Variants in SMOC2 observed in about 807,000 individuals in gnomAD.
The protein encoded by SMOC2 is SPARC related modular calcium binding 2.
A neutral mutation model predicts 61.4 loss-of-function variants in SMOC2; 39 were observed. That is an observed-to-expected ratio of 0.64 (90% CI 0.49 to 0.83). SMOC2 has a LOEUF of 0.83. Among genes scored for constraint, SMOC2 ranks in the 40% least tolerant of loss-of-function variants. The probability of loss-of-function intolerance (pLI) is 0.00; values close to 1 mark genes in which losing one functional copy is unlikely to be tolerated. For missense variants in SMOC2, 556 were observed against 592.9 expected, an observed-to-expected ratio of 0.94 and a Z score of 0.65; for synonymous variants, 247 against 239.9, an observed-to-expected ratio of 1.03 and a Z score of -0.27.
At position 168,650,733 on chromosome 6, in the gene SMOC2, G is replaced by A; in HGVS notation, c.960G>A (p.Leu320=). The A allele has an allele frequency of 6.2e-7, 1 of 1,613,682 alleles. No individual in the cohort carries two copies. Among genetic ancestry groups the A allele is most frequent in the Non-Finnish European group, 8.5e-7 (1 of 1,180,018 alleles). ...TTCTGACCAGCGTTCTGGACGCGCTGTCCACGGACATGGTCCACGCCGCCT... is the reference window on the plus strand; with the variant it reads ...TTCTGACCAGCGTTCTGGACGCGCTATCCACGGACATGGTCCACGCCGCCT... ...HEFLTSVLDA[L]STDMVHAASD... The change falls in exon 10 of 13, where the codon CTG becomes CTA. Residue 320 remains leucine, a synonymous_variant. Coordinates refer to ENST00000356284, the MANE Select transcript of SMOC2 (RefSeq NM_001166412.2).
intron 1 of SMOC2, among the ~76,000 whole-genome samples, chr6:168,476,612 G>A (rs1360684820): frequency 6.6e-6 from 1 of 151,806 alleles, no homozygotes; most frequent in African/African-American, 2.4e-5. Context: ...TTTTAAATGA[G>A]CTGGTACTTT....
intron 4 of SMOC2, among the ~76,000 whole-genome samples, chr6:168,534,963 T>A: frequency 6.6e-6 from 1 of 151,992 alleles, no homozygotes; most frequent in East Asian, 1.9e-4. Flanking sequence ...GAGATTTTAT[T>A]TTTATTTATT....
chr6:168,595,191 TCA>T (rs1308391828), intron 7 of SMOC2, among the ~76,000 whole-genome samples: 44 of 120,138 alleles, frequency 3.7e-4, no homozygotes, highest in South Asian at 8.9e-4. Flanking sequence ...TCCTGAGGCC[TCA>T]CGAGGGGCAT....
At chr6:168,538,472 G>C (rs1294897817) in intron 4 of SMOC2, among the ~76,000 whole-genome samples, 1 of 104,594 alleles carries the variant, frequency 9.6e-6, no homozygotes, top group African/African-American at 3.9e-5. Context: ...GAATGTGGGG[G>C]AGTGCGGTGA....
chr6:168,599,736 ACACT>A (rs1044278768), intron 8 of SMOC2, among the ~76,000 whole-genome samples: 10 of 138,170 alleles, frequency 7.2e-5, no homozygotes, highest in African/African-American at 2.8e-4. Context: ...ATACTCTCAC[ACACT>A]CATACCCACA....
intron 9 of SMOC2, among the ~76,000 whole-genome samples, chr6:168,647,956 C>A (rs1348951943): frequency 6.6e-6 from 1 of 151,536 alleles, no homozygotes; most frequent in Non-Finnish European, 1.5e-5. Flanking sequence ...ACTAAAGACT[C>A]CTGCAGCTTT....
intron 1 of SMOC2, among the ~76,000 whole-genome samples, chr6:168,442,160 C>G (rs1379049091): frequency 6.6e-6 from 1 of 152,266 alleles, no homozygotes; most frequent in African/African-American, 2.4e-5. Flanking sequence ...TTCTTCCCTT[C>G]TCAGGACAGA....
chr6:168,556,447 T>G (rs1409511255), intron 7 of SMOC2, among the ~76,000 whole-genome samples: 1 of 152,146 alleles, frequency 6.6e-6, no homozygotes, highest in Non-Finnish European at 1.5e-5. Context: ...CCTCGTGGCC[T>G]CGCAGACTGT....
chr6:168,628,015 C>T (rs572246661), intron 9 of SMOC2, among the ~76,000 whole-genome samples: 4 of 152,230 alleles, frequency 2.6e-5, no homozygotes, highest in African/African-American at 9.6e-5. Flanking sequence ...CCTGGACTAA[C>T]GCCACTCTTG....
chr6:168,534,515 G>C (rs899895484), intron 4 of SMOC2, among the ~76,000 whole-genome samples: 23 of 152,184 alleles, frequency 1.5e-4, no homozygotes, highest in African/African-American at 4.8e-4. Flanking sequence ...AGGCCCTTGG[G>C]GCTGAAGCTC....
chr6:168,600,263 T>C (rs937749618), intron 8 of SMOC2, among the ~76,000 whole-genome samples: 5 of 151,890 alleles, frequency 3.3e-5, no homozygotes, highest in Non-Finnish European at 5.9e-5. Context: ...AAAAATTAGC[T>C]GGGCGTGGTG....
chr6:168,608,552 C>T (rs1227701981), intron 9 of SMOC2, among the ~76,000 whole-genome samples: 2 of 152,206 alleles, frequency 1.3e-5, no homozygotes, highest in African/African-American at 4.8e-5. Flanking sequence ...CTCCTGAACC[C>T]CACAGCCCAA....
At chr6:168,598,785 C>G (rs372097960) in intron 7 of SMOC2, 33 bp from the exon 8 acceptor site, 5 of 1,611,066 alleles carry the variant, frequency 3.1e-6, no homozygotes, top group Non-Finnish European at 4.2e-6. Flanking sequence ...GTCGCTGGAT[C>G]CTGCTCACCT....
chr6:168,479,996 G>A (rs2115022178), intron 1 of SMOC2, among the ~76,000 whole-genome samples: 1 of 152,224 alleles, frequency 6.6e-6, no homozygotes, highest in Non-Finnish European at 1.5e-5. Context: ...CATGCTCAGG[G>A]AAAGGTGCAG....
chr6:168,492,283 A>C (rs1313922286), intron 1 of SMOC2, among the ~76,000 whole-genome samples: 1 of 152,254 alleles, frequency 6.6e-6, no homozygotes, highest in African/African-American at 2.4e-5. Context: ...TACGAGGCAC[A>C]CACACACATG....
intron 11 of SMOC2, 145 bp from the exon 12 acceptor site, chr6:168,663,929 G>A (rs987860383): frequency 3.1e-6 from 2 of 642,030 alleles, no homozygotes; most frequent in African/African-American, 1.8e-5. Context: ...AGGAATGACT[G>A]TATGTGGTTT....
At chr6:168,512,394 T>A (rs58293560) in intron 2 of SMOC2, among the ~76,000 whole-genome samples, 10,208 of 152,206 alleles carry the variant, frequency 0.067, 496 homozygotes, top group East Asian at 0.22. Context: ...CAGTGAGTCT[T>A]GCTGTGCTGA....
At chr6:168,445,449 A>AT (rs925385259) in intron 1 of SMOC2, among the ~76,000 whole-genome samples, 20 of 152,166 alleles carry the variant, frequency 1.3e-4, no homozygotes, top group Non-Finnish European at 2.6e-4. Flanking sequence ...GCCATGTGTA[A>AT]TTTTTTTAAA....
At chr6:168,529,205 T>TC (rs1783524419) in intron 4 of SMOC2, among the ~76,000 whole-genome samples, 1 of 152,144 alleles carries the variant, frequency 6.6e-6, no homozygotes, top group Admixed American at 6.6e-5. Context: ...ATAGAAATAT[T>TC]CCTTTTTTTT....
Sources: allele counts gnomAD v4.1 joint callset (sites outside exome capture counted in the v4.1 genomes callset), GRCh38; gene constraint gnomAD v4.1.1; transcripts MANE v1.5; gene names NCBI Gene and HGNC (gene_info 2026-07-23, HGNC 2026-07-21).